ZNF90: variants seen among roughly 807,000 people sequenced by gnomAD.
ZNF90 encodes zinc finger protein HTF9.
Under a neutral mutation model 12.0 loss-of-function variants are expected in ZNF90, and 11 were observed. The ratio of observed to expected loss-of-function variants is 0.92; its 90% CI spans 0.58 to 1.52. The LOEUF (loss-of-function observed/expected upper bound fraction) is 1.52. ZNF90 is among the 40% of genes most tolerant of loss of function. ZNF90 has a pLI of 0.00. For synonymous variants in ZNF90, 232 were observed against 240.1 expected, an observed-to-expected ratio of 0.97 and a Z score of 0.31; for missense variants, 765 against 711.5, an observed-to-expected ratio of 1.08 and a Z score of -0.86.
intron 1 of ZNF90, among the ~76,000 whole-genome samples, chr19:20,102,285 C>T (rs2088995689): frequency 6.6e-6 from 1 of 152,172 alleles, no homozygotes. Flanking sequence ...GGTCGTTAGT[C>T]ATCCCTAGTC....
Position 20,118,980 on chromosome 19 carries a change from A to G in ZNF90, c.1426A>G (p.Thr476Ala). Reference protein sequence around the residue: ...SNLTTHKISHTEEKLYKCQEC... With the variant: ...SNLTTHKISHAEEKLYKCQEC... The stretch of plus-strand genomic sequence containing the variant: ...CCTTACTACACATAAGATAAGTCAT[A>G]CTGAAGAGAAACTCTACAAATGTCA... The change falls in exon 4 of 4, where the codon ACT (threonine) becomes GCT (alanine). Residue 476 changes from threonine to alanine, a missense_variant. Coordinates refer to ENST00000418063, the MANE Select transcript of ZNF90 (RefSeq NM_007138.2). The G allele has an allele frequency of 6.2e-7, 1 of 1,609,954 alleles. No individual in the cohort carries two copies.
chr19:20,117,738 G>A, intron 3 of ZNF90, 43 bp from the exon 4 acceptor site: 1 of 1,451,598 alleles, frequency 6.9e-7, no homozygotes, highest in South Asian at 1.6e-5. Context: ...GTATTTATCA[G>A]AATCTAGCAA....
intron 3 of ZNF90, among the ~76,000 whole-genome samples, chr19:20,116,328 C>T (rs1419021862): frequency 6.6e-6 from 1 of 152,048 alleles, no homozygotes; most frequent in Non-Finnish European, 1.5e-5. Context: ...TGCCACCATG[C>T]CCAGTTAATT....
In ZNF90 at chr19:20,118,944, C is replaced by T. The variant is rs376553078; in HGVS notation, c.1390C>T (p.Arg464Cys). The stretch of plus-strand genomic sequence containing the variant: ...TGAAGAATGTGGCAAAGCCTTCAAG[C>T]GCTCCTCAAACCTTACTACACATAA... ...KCEECGKAFK[R>C]SSNLTTHKIS... Residue 464 changes from arginine (R) to cysteine (C), a missense_variant, in exon 4 of 4, where the codon CGC (arginine) becomes TGC (cysteine). By Grantham distance (180) the Arg-to-Cys change is radical. Coordinates refer to ENST00000418063, the MANE Select transcript of ZNF90 (RefSeq NM_007138.2). The T allele has an allele frequency of 1.4e-5, 22 of 1,611,922 alleles. No homozygotes were observed. The highest frequency in any genetic ancestry group is 6.7e-5 in the African/African-American group (5 of 74,700).
intron 3 of ZNF90, among the ~76,000 whole-genome samples, chr19:20,106,044 C>CATT (rs1555704366): frequency 0.014 from 995 of 71,068 alleles, 17 homozygotes; most frequent in Middle Eastern, 0.018. Flanking sequence ...CTAATTTTTT[C>CATT]TTTTTTTTTT....
Position 20,105,252 on chromosome 19 carries a change from C to T in ZNF90, c.162C>T (p.Thr54=). 3 of 1,606,764 alleles carry T rather than the reference C, an allele frequency of 1.9e-6. No individual in the cohort carries two copies. Among genetic ancestry groups the T allele is most frequent in the Non-Finnish European group, 2.5e-6 (3 of 1,176,534 alleles). ...TTGTCACTAAGCCAGACCTGATCAC[C>T]TGTCTGGAGCAAGGAAAAAAACCCT... ...GIVVTKPDLI[T]CLEQGKKPFT... The change falls in exon 3 of 4, where the codon ACC becomes ACT. Residue 54 remains threonine (T), a synonymous_variant. Coordinates refer to ENST00000418063, the MANE Select transcript of ZNF90 (RefSeq NM_007138.2).
chr19:20,081,559 C>G, intron 1 of ZNF90, among the ~76,000 whole-genome samples: 1 of 152,174 alleles, frequency 6.6e-6, no homozygotes, highest in East Asian at 1.9e-4. Flanking sequence ...ATCCCCACCC[C>G]CAGACACTGA....
intron 1 of ZNF90, among the ~76,000 whole-genome samples, chr19:20,094,259 A>T (rs959612973): frequency 6.6e-6 from 1 of 152,126 alleles, no homozygotes; most frequent in African/African-American, 2.4e-5. Context: ...GTGCACCTTG[A>T]AGGTGAGGTT....
intron 1 of ZNF90, among the ~76,000 whole-genome samples, chr19:20,099,396 C>G (rs2088972565): frequency 6.6e-6 from 1 of 152,216 alleles, no homozygotes; most frequent in Non-Finnish European, 1.5e-5. Context: ...GTCTCCCTAT[C>G]AATTACTGAA....
intron 1 of ZNF90, among the ~76,000 whole-genome samples, chr19:20,081,744 TG>T: frequency 6.6e-6 from 1 of 152,020 alleles, no homozygotes; most frequent in South Asian, 2.1e-4. Flanking sequence ...CACAGGGATT[TG>T]TTTTTTTTCT....
chr19:20,095,238 C>T (rs1436660267), intron 1 of ZNF90, among the ~76,000 whole-genome samples: 1 of 152,078 alleles, frequency 6.6e-6, no homozygotes, highest in East Asian at 1.9e-4. Context: ...ACGTAAGGCA[C>T]CTCAGACCAT....
At chr19:20,110,384 T>G (rs782126655) in intron 3 of ZNF90, among the ~76,000 whole-genome samples, 5 of 152,102 alleles carry the variant, frequency 3.3e-5, no homozygotes, top group Non-Finnish European at 4.4e-5. Flanking sequence ...GTTCAAGCAA[T>G]TCTCCTGCTT....
intron 1 of ZNF90, among the ~76,000 whole-genome samples, chr19:20,100,937 C>A (rs2088984617): frequency 1.3e-5 from 2 of 152,252 alleles, no homozygotes; most frequent in African/African-American, 2.4e-5. Context: ...ATATAAACCC[C>A]AGGCATTTGA....
chr19:20,104,910 G>T lies in ZNF90; in HGVS notation c.131-311G>T, dbSNP rs528703635. On this transcript the variant is annotated intron_variant, in intron 2 of 3. Transcript: ENST00000418063. ...TCTGAAGGCTGAGGCAGGAGAATTTGTTGAACCTGAAAGGCAGATATTTCA... is the reference window on the plus strand; with the variant it reads ...TCTGAAGGCTGAGGCAGGAGAATTTTTTGAACCTGAAAGGCAGATATTTCA... Among the ~76,000 whole-genome samples, 242 of 152,182 alleles carry T rather than the reference G, an allele frequency of 1.6e-3. 1 individual carries two copies. The highest frequency in any genetic ancestry group is 2.8e-3 in the Non-Finnish European group (187 of 67,990).
intron 1 of ZNF90, among the ~76,000 whole-genome samples, chr19:20,101,502 C>T (rs1208037495): frequency 6.6e-6 from 1 of 152,190 alleles, no homozygotes; most frequent in Non-Finnish European, 1.5e-5. Context: ...GAAAAGGGCA[C>T]TTGAGGATGG....
chr19:20,085,712 G>T (rs1555701963), intron 1 of ZNF90, among the ~76,000 whole-genome samples: 1 of 152,028 alleles, frequency 6.6e-6, no homozygotes, highest in Admixed American at 6.5e-5. Context: ...AAATGTTTTT[G>T]CTATTCCCTC....
intron 1 of ZNF90, among the ~76,000 whole-genome samples, chr19:20,099,375 C>T (rs1179520805): frequency 6.6e-6 from 1 of 152,166 alleles, no homozygotes; most frequent in Non-Finnish European, 1.5e-5. Flanking sequence ...CCTAACTCTG[C>T]TTCCAGAAGA....
intron 1 of ZNF90, among the ~76,000 whole-genome samples, chr19:20,088,589 ACCAGG>A (rs2088878062): frequency 1.3e-5 from 2 of 152,154 alleles, no homozygotes; most frequent in Admixed American, 1.3e-4. Context: ...GTTGTCATAC[ACCAGG>A]CCAGATTGAT....
chr19:20,108,731 C>CTCTTT (rs1555704699), intron 3 of ZNF90, among the ~76,000 whole-genome samples: 3 of 119,942 alleles, frequency 2.5e-5, no homozygotes, highest in African/African-American at 9.5e-5. Flanking sequence ...GTAGGTTTCT[C>CTCTTT]TTTTTTTTTT....
Sources: gnomAD v4.1 joint callset for allele counts (sites outside exome capture counted in the v4.1 genomes callset) on GRCh38, gnomAD v4.1.1 for gene constraint, MANE v1.5 for transcripts, NCBI Gene and HGNC (gene_info 2026-07-23, HGNC 2026-07-21) for gene names.